The following ARID3C variants were observed in gnomAD, a reference collection of about 807,000 sequenced individuals.
The protein encoded by ARID3C is AT-rich interaction domain 3C.
ARID3C carries 42 observed loss-of-function variants against 37.9 expected under a neutral mutation model. The observed-to-expected ratio is 1.11, with a 90% CI of 0.87 to 1.43. ARID3C has a LOEUF of 1.43. ARID3C is among the 40% of genes most tolerant of loss of function. ARID3C has a pLI of 0.00. For synonymous variants in ARID3C, 213 were observed against 228.0 expected, an observed-to-expected ratio of 0.93 and a Z score of 0.59; for missense variants, 581 against 548.8, an observed-to-expected ratio of 1.06 and a Z score of -0.59.
At chr9:34,621,923 C>A in intron 6 of ARID3C, 97 bp downstream of exon 7, 1 of 1,223,974 alleles carries the variant, frequency 8.2e-7, no homozygotes, top group Non-Finnish European at 1.2e-6. Flanking sequence ...GTTTAGATAT[C>A]CCTGAACTTC....
chr9:34,623,795 G>A, intron 3 of ARID3C, 69 bp downstream of exon 4: 1 of 1,504,688 alleles, frequency 6.6e-7, no homozygotes, highest in African/African-American at 1.4e-5. Flanking sequence ...CCCGCCCGGG[G>A]ACCCTCCCCC....
chr9:34,623,869 G>GC lies in ARID3C; in HGVS notation c.569dup (p.Thr191HisfsTer97). On this transcript the variant is annotated frameshift_variant, in exon 3 of 7. Coordinates refer to ENST00000378909, the Ensembl canonical transcript of ARID3C. LOFTEE classifies it high-confidence loss of function. ...GCTCCCGCCCCTGGCCTCACTGGGT[G>GC]CGTAGAGTGAAGGCGGCCGAGGTGA... 6.3e-7 allele frequency: 1 copy of GC among 1,595,824 alleles called. No individual in the cohort carries two copies. The highest frequency in any genetic ancestry group is 8.5e-7 in the Non-Finnish European group (1 of 1,176,702).
chr9:34,623,511 T>C (rs1232543582), exon 4 of ARID3C: 1 of 1,561,538 alleles, frequency 6.4e-7, no homozygotes. Flanking sequence ...AGGGCTGGAC[T>C]GGGTCGCCGG....
chr9:34,630,667 C>T (rs1293090194), upstream of ARID3C, among the ~76,000 whole-genome samples: 1 of 152,130 alleles, frequency 6.6e-6, no homozygotes, highest in Non-Finnish European at 1.5e-5. Flanking sequence ...ATGGTGGGTG[C>T]CTCCTCCCTG....
At chr9:34,621,708 G>C (rs1411749620) in intron 6 of ARID3C, 150 bp from the exon 8 acceptor site, 1 of 664,036 alleles carries the variant, frequency 1.5e-6, no homozygotes, top group Non-Finnish European at 2.6e-6. Flanking sequence ...CAAGCTCCTT[G>C]GGTCAGTAAG....
chr9:34,621,412 C>A, exon 7 of ARID3C: 3 of 1,316,142 alleles, frequency 2.3e-6, no homozygotes, highest in Non-Finnish European at 3.1e-6. Context: ...GGGTCTCCTC[C>A]CCCCTCAGCA....
chr9:34,625,851 A>G, intron 1 of ARID3C, 37 bp from the exon 3 acceptor site: 1 of 1,604,134 alleles, frequency 6.2e-7, no homozygotes, highest in Non-Finnish European at 8.5e-7. Flanking sequence ...AGCTCTGCTG[A>G]CTCCCCCTCC....
chr9:34,624,219 C>T (rs1253829337), intron 2 of ARID3C, among the ~76,000 whole-genome samples, 172 bp from the exon 4 acceptor site: 2 of 150,020 alleles, frequency 1.3e-5, no homozygotes, highest in Non-Finnish European at 3.0e-5. Context: ...GAGGCTAGAA[C>T]GGGGGGGGGC....
At position 34,621,954 on chromosome 9, in the gene ARID3C, A is replaced by C. The variant is rs922435968; in HGVS notation, c.1138+66T>G. 11 of 1,502,372 alleles carry C rather than the reference A, an allele frequency of 7.3e-6. No individual in the cohort carries two copies. The African/African-American group carries it at 1.2e-4, about 17-fold the overall frequency. The allele number at this position is 1,502,372 out of a possible 1,614,324, so 93.1% of individuals were successfully genotyped here. On this transcript the variant is annotated intron_variant, in intron 6 of 6. Transcript: ENST00000378909. ...ACTTCATGCTAGTAGAGGAAGTCTA[A>C]AATCCCCATGCCAGCCTAAATACCC...
chr9:34,632,709 T>C (rs1385352646), upstream of ARID3C, among the ~76,000 whole-genome samples: 1 of 152,130 alleles, frequency 6.6e-6, no homozygotes, highest in Non-Finnish European at 1.5e-5. Flanking sequence ...AACAGATGTG[T>C]CCAAAATGAC....
At chr9:34,631,631 A>G (rs1329408419), upstream of ARID3C, among the ~76,000 whole-genome samples, 1 of 151,870 alleles carries the variant, frequency 6.6e-6, no homozygotes, top group African/African-American at 2.4e-5. Flanking sequence ...GGTAAGTACC[A>G]TGGAGAAAAA....
Position 34,624,651 on chromosome 9 carries a change from G to T in ARID3C, c.392-604C>A, listed in dbSNP as rs561702631. Among the ~76,000 whole-genome samples the T allele has an allele frequency of 4.6e-5, 7 of 152,318 alleles. No individual in the cohort carries two copies. In the South Asian group the frequency reaches 1.5e-3, roughly 32 times the overall value. ...CGACTCCGCAGCCCGCGCCGCCCCCGCCGGCCAGTCCTGACAAAGGGGCCT... is the reference window on the plus strand; with the variant it reads ...CGACTCCGCAGCCCGCGCCGCCCCCTCCGGCCAGTCCTGACAAAGGGGCCT... On this transcript the variant is annotated intron_variant, in intron 2 of 6. Coordinates refer to ENST00000378909, the Ensembl canonical transcript of ARID3C.
upstream of ARID3C, among the ~76,000 whole-genome samples, chr9:34,630,701 C>T (rs1820715430): frequency 1.3e-5 from 2 of 152,164 alleles, no homozygotes; most frequent in South Asian, 2.1e-4. Context: ...CAGCCGCCAC[C>T]CTTCTCTGCA....
exon 1 of ARID3C, chr9:34,627,817 G>T: frequency 6.2e-7 from 1 of 1,613,202 alleles, no homozygotes; most frequent in South Asian, 1.1e-5. Flanking sequence ...CCTCTGCCCC[G>T]GCTTCCTCCC....
Position 34,622,599 on chromosome 9 carries a change from T to C in ARID3C, c.866-70A>G, listed in dbSNP as rs1820591313. 8 of 1,478,214 alleles carry C rather than the reference T, an allele frequency of 5.4e-6. No homozygotes were observed. In the South Asian group the frequency reaches 9.7e-5, roughly 18 times the overall value. 91.6% of individuals were successfully genotyped at this position (1,478,214 alleles called of 1,614,324 possible). On this transcript the variant is annotated intron_variant, in intron 4 of 6. Transcript: ENST00000378909. ...CTCTGCATTGGTTCTCCCCCAGGCC[T>C]GGGACCAAAAGAGGTAACTCAAGCT...
chr9:34,621,509 G>C, exon 7 of ARID3C: 1 of 1,553,840 alleles, frequency 6.4e-7, no homozygotes, highest in South Asian at 1.2e-5. Context: ...GTGCAGGGTT[G>C]GTTGGACCCT....
chr9:34,625,945 G>A, intron 1 of ARID3C, 131 bp from the exon 3 acceptor site: 1 of 1,020,790 alleles, frequency 9.8e-7, no homozygotes, highest in Non-Finnish European at 1.4e-6. Flanking sequence ...GGACTCCCTG[G>A]GATTAGCATT....
chr9:34,621,549 AAG>A lies in ARID3C; in HGVS notation c.1146_1147del (p.Phe383CysfsTer35). The stretch of plus-strand genomic sequence containing the variant: ...AGCTGGCACAGGCTGGCGGCGGGCA[AAG>A]AGGACACCTGGCAAAGGGGTGAGGA... On this transcript the variant is annotated frameshift_variant, in exon 7 of 7. Transcript: ENST00000378909. LOFTEE classifies it high-confidence loss of function. 1 of 1,573,454 alleles carries A rather than the reference AAG, an allele frequency of 6.4e-7. No homozygotes were observed. Among genetic ancestry groups the A allele is most frequent in the African/African-American group, 1.4e-5 (1 of 71,828 alleles).
chr9:34,630,147 C>T (rs1194728884), upstream of ARID3C, among the ~76,000 whole-genome samples: 2 of 152,106 alleles, frequency 1.3e-5, no homozygotes, highest in African/African-American at 4.8e-5. Flanking sequence ...CAACAGTGAC[C>T]GGCACTTCGC....
Sources: gnomAD v4.1 joint callset for allele counts (sites outside exome capture counted in the v4.1 genomes callset) on GRCh38, gnomAD v4.1.1 for gene constraint, MANE v1.5 for transcripts, NCBI Gene and HGNC (gene_info 2026-07-23, HGNC 2026-07-21) for gene names.